Variants in SPINK2 observed in about 807,000 individuals in gnomAD.
The protein encoded by SPINK2 is serine peptidase inhibitor Kazal type 2.
Under a neutral mutation model 13.5 loss-of-function variants are expected in SPINK2, and 8 were observed. The observed-to-expected ratio is 0.59, with a 90% confidence interval of 0.35 to 1.07. The LOEUF is 1.07. Among genes scored for constraint, SPINK2 ranks in the 50% least tolerant of loss-of-function variants. The pLI is 0.02. For synonymous variants in SPINK2, 76 were observed against 74.7 expected, an observed-to-expected ratio of 1.02 and a Z score of -0.09; for missense variants, 148 against 180.3, an observed-to-expected ratio of 0.82 and a Z score of 1.03.
intron 2 of SPINK2, among the ~76,000 whole-genome samples, chr4:56,817,022 TA>T (rs1294856273): frequency 1.3e-5 from 2 of 151,556 alleles, no homozygotes; most frequent in Non-Finnish European, 2.9e-5. Flanking sequence ...ACCAACATGG[TA>T]AAACCCCATC....
intron 2 of SPINK2, among the ~76,000 whole-genome samples, chr4:56,819,992 GA>G (rs1487813744): frequency 6.6e-6 from 1 of 152,160 alleles, no homozygotes; most frequent in Non-Finnish European, 1.5e-5. Flanking sequence ...GACAACCAGA[GA>G]AAACCAAATA....
intron 2 of SPINK2, among the ~76,000 whole-genome samples, chr4:56,818,845 A>G (rs965474186): frequency 2.0e-5 from 3 of 152,198 alleles, no homozygotes; most frequent in Non-Finnish European, 2.9e-5. Context: ...TCACTGACTA[A>G]AAGTGTTATT....
At chr4:56,819,618 CTTT>C (rs11329423) in intron 2 of SPINK2, among the ~76,000 whole-genome samples, 1 of 78,364 alleles carries the variant, frequency 1.3e-5, no homozygotes. Flanking sequence ...TTTTTTCTTT[CTTT>C]TTTTTTTTTT....
chr4:56,811,852 G>A, intron 2 of SPINK2, 58 bp from the exon 3 acceptor site: 3 of 872,160 alleles, frequency 3.4e-6, no homozygotes, highest in South Asian at 3.5e-5. Flanking sequence ...ATATAAAATA[G>A]TTCAGAGGAG....
At chr4:56,819,508 A>G (rs993157424) in intron 2 of SPINK2, among the ~76,000 whole-genome samples, 6 of 152,230 alleles carry the variant, frequency 3.9e-5, no homozygotes, top group African/African-American at 7.2e-5. Flanking sequence ...CCAGCCGGCT[A>G]TAAGCCAGAC....
chr4:56,821,719 G>A (rs979391186), upstream of SPINK2: 35 of 1,388,896 alleles, frequency 2.5e-5, no homozygotes, highest in African/African-American at 3.5e-4. Context: ...CCACTCGCAG[G>A]GAGCGCTCGT....
Position 56,810,086 on chromosome 4 carries a change from C to G in SPINK2, c.*53G>C. 1 of 1,563,584 alleles carries G rather than the reference C, an allele frequency of 6.4e-7. No homozygotes were observed. Among genetic ancestry groups the G allele is most frequent in the Non-Finnish European group, 8.7e-7 (1 of 1,155,072 alleles). On this transcript the variant is annotated 3_prime_UTR_variant, in exon 4 of 4. Transcript: ENST00000506738. ...GAGAAAAAGGGGAAATGCAATTTAT[C>G]TAGTCTGCCAGTGAAGGTGGTCTCT...
intron 2 of SPINK2, among the ~76,000 whole-genome samples, chr4:56,812,563 C>CAAAAAAAAAAAAAAAAAAAAAAAAAAA (rs57162077): frequency 1.2e-4 from 2 of 16,366 alleles, no homozygotes; most frequent in Non-Finnish European, 2.4e-4. Flanking sequence ...AACTCCATCT[C>CAAAAAAAAAAAAAAAAAAAAAAAAAAA]AAAAAAAAAA....
At chr4:56,819,873 C>A (rs918268657) in intron 2 of SPINK2, among the ~76,000 whole-genome samples, 24 of 152,124 alleles carry the variant, frequency 1.6e-4, no homozygotes, top group African/African-American at 5.8e-4. Flanking sequence ...CCTCGGCCTC[C>A]CAAAGCACTG....
At chr4:56,817,424 GC>G (rs1443576460) in intron 2 of SPINK2, among the ~76,000 whole-genome samples, 1 of 151,898 alleles carries the variant, frequency 6.6e-6, no homozygotes, top group Non-Finnish European at 1.5e-5. Context: ...ATCTTTTTTT[GC>G]AGCAGAAACT....
chr4:56,809,914 G>A lies in SPINK2; in HGVS notation c.*225C>T, dbSNP rs1716840080. The A allele has an allele frequency of 1.7e-5, 20 of 1,180,382 alleles. No individual in the cohort carries two copies. The highest frequency in any genetic ancestry group is 2.2e-5 in the Non-Finnish European group (19 of 872,938). The allele number at this position is 1,180,382 out of a possible 1,614,324, so 73.1% of individuals were successfully genotyped here. A position where few individuals can be genotyped will look rare whatever the true frequency, so the allele number is the denominator to read the frequency against. ...AAATAAAGCAATGCACAAGTCACCT[G>A]GGCAGTAAGCTTAACTCCAGGAGCA... On this transcript the variant is annotated 3_prime_UTR_variant, in exon 4 of 4. Coordinates refer to ENST00000506738, the MANE Select transcript of SPINK2 (RefSeq NM_001271718.2).
chr4:56,817,672 G>A (rs1004304561), intron 2 of SPINK2, among the ~76,000 whole-genome samples: 11 of 151,460 alleles, frequency 7.3e-5, no homozygotes, highest in Non-Finnish European at 1.0e-4. Context: ...TAGCCAACAC[G>A]GTGAAACCCT....
At chr4:56,811,831 G>A in intron 2 of SPINK2, 37 bp from the exon 3 acceptor site, 1 of 1,280,812 alleles carries the variant, frequency 7.8e-7, no homozygotes, top group Non-Finnish European at 1.1e-6. Flanking sequence ...AGAATGACTT[G>A]AGACACACTC....
intron 2 of SPINK2, among the ~76,000 whole-genome samples, chr4:56,815,217 C>T (rs1459799519): frequency 6.6e-6 from 1 of 151,874 alleles, no homozygotes; most frequent in Non-Finnish European, 1.5e-5. Context: ...AAAAGGCATC[C>T]ATGAATAACC....
At chr4:56,815,614 C>T (rs1426086117) in intron 2 of SPINK2, among the ~76,000 whole-genome samples, 14 of 152,008 alleles carry the variant, frequency 9.2e-5, no homozygotes, top group Non-Finnish European at 1.3e-4. Context: ...GCAGGAGAAT[C>T]GCTTGAACCT....
intron 2 of SPINK2, among the ~76,000 whole-genome samples, chr4:56,814,960 C>CAAAAAA (rs5858398): frequency 3.9e-5 from 4 of 102,536 alleles, no homozygotes; most frequent in South Asian, 3.5e-4. Context: ...GACTCCGTCT[C>CAAAAAA]AAAAAAAAAA....
At chr4:56,819,263 G>A (rs948370393) in intron 2 of SPINK2, among the ~76,000 whole-genome samples, 31 of 152,076 alleles carry the variant, frequency 2.0e-4, no homozygotes, top group African/African-American at 6.8e-4. Flanking sequence ...GAAGGGAATC[G>A]CGTGGGAAGG....
rs182162201 is a variant in SPINK2 at position 56,814,339 on chromosome 4, A to C, written c.250-2545T>G. On this transcript the variant is annotated intron_variant, in intron 2 of 3. Transcript: ENST00000506738. The stretch of plus-strand genomic sequence containing the variant: ...TCTACAAACTGGTCCCTGGTCCCAA[A>C]AAGGCTGGGGACCGCTGCTCTAAAG... 1.2e-3 allele frequency among the ~76,000 whole-genome samples: 176 copies of C among 152,098 alleles called. 1 individual carries two copies. The highest frequency in any genetic ancestry group is 2.2e-3 in the Non-Finnish European group (149 of 67,994).
In SPINK2 at chr4:56,820,518, A is replaced by G; in HGVS notation, c.249+18T>C. On this transcript the variant is annotated intron_variant, in intron 2 of 3. Transcript: ENST00000506738. ...TTCACTGTATTAGTAGAAACAGTAG[A>G]AGTGGTTTGCTACTTACCGTTCTAT... 2 of 1,600,522 alleles carry G rather than the reference A, an allele frequency of 1.2e-6. No individual in the cohort carries two copies.
Sources: gnomAD v4.1 joint callset for allele counts (sites outside exome capture counted in the v4.1 genomes callset) on GRCh38, gnomAD v4.1.1 for gene constraint, MANE v1.5 for transcripts, NCBI Gene and HGNC (gene_info 2026-07-23, HGNC 2026-07-21) for gene names.